The following SRGAP1 variants were observed in gnomAD, a reference collection of about 807,000 sequenced individuals.
The protein encoded by SRGAP1 is SLIT-ROBO Rho GTPase activating protein 1, also known as SLIT-ROBO Rho GTPase-activating protein 1.
SRGAP1 carries 43 observed loss-of-function variants against 121.9 expected under a neutral mutation model. The ratio of observed to expected loss-of-function variants is 0.35; its 90% CI spans 0.28 to 0.46. SRGAP1 has a LOEUF of 0.46. SRGAP1 is among the 20% of genes least tolerant of loss of function. The pLI, the probability that SRGAP1 is intolerant of heterozygous loss-of-function variation, is 1.00. For synonymous variants in SRGAP1, 447 were observed against 485.4 expected, an observed-to-expected ratio of 0.92 and a Z score of 1.04; for missense variants, 1,102 against 1,350.9, an observed-to-expected ratio of 0.82 and a Z score of 2.89.
chr12:64,127,882 A>AC lies in SRGAP1; in HGVS notation c.2567dup (p.Pro857SerfsTer10). 1 of 1,611,806 alleles carries AC rather than the reference A, an allele frequency of 6.2e-7. No individual in the cohort carries two copies. Among genetic ancestry groups the AC allele is most frequent in the Non-Finnish European group, 8.5e-7 (1 of 1,178,522 alleles). ...CTAGGCAACGAAAAAGAGGAGAGCCACCCCCTCCAGTAAGGCGTCCTGGCA... is the reference window on the plus strand; with the variant it reads ...CTAGGCAACGAAAAAGAGGAGAGCCACCCCCCTCCAGTAAGGCGTCCTGGCA... On this transcript the variant is annotated frameshift_variant, in exon 21 of 22. Transcript: ENST00000355086. LOFTEE classifies it high-confidence loss of function.
Position 63,850,273 on chromosome 12 carries a change from C to T in SRGAP1, c.67+5390C>T, listed in dbSNP as rs141576384. 4.7e-3 allele frequency among the ~76,000 whole-genome samples: 722 copies of T among 152,204 alleles called. 5 individuals are homozygous for T. Among genetic ancestry groups the T allele is most frequent in the African/African-American group, 0.016 (676 of 41,520 alleles). On this transcript the variant is annotated intron_variant, in intron 1 of 21. Coordinates refer to ENST00000355086, the MANE Select transcript of SRGAP1 (RefSeq NM_020762.4). ...GAGAAAATTTTGAGCAAAGCATGAC[C>T]TTCTGAAACACATGAGGGCTGGATT...
chr12:63,848,518 G>A (rs1898976670), intron 1 of SRGAP1, among the ~76,000 whole-genome samples: 1 of 151,924 alleles, frequency 6.6e-6, no homozygotes, highest in African/African-American at 2.4e-5. Flanking sequence ...ATAAGATAAG[G>A]AGTTGGAATT....
At chr12:63,897,510 A>G (rs1196183461) in intron 1 of SRGAP1, among the ~76,000 whole-genome samples, 1 of 152,184 alleles carries the variant, frequency 6.6e-6, no homozygotes, top group Admixed American at 6.5e-5. Context: ...TGTATAGTCT[A>G]TGGAAAGAGG....
chr12:63,914,252 C>T (rs922589582), intron 1 of SRGAP1, among the ~76,000 whole-genome samples: 3 of 152,122 alleles, frequency 2.0e-5, no homozygotes, highest in African/African-American at 4.8e-5. Context: ...TAGTTGAACC[C>T]GGCTCTTAAT....
At chr12:63,921,528 C>G (rs2031043506) in intron 1 of SRGAP1, among the ~76,000 whole-genome samples, 1 of 152,196 alleles carries the variant, frequency 6.6e-6, no homozygotes, top group African/African-American at 2.4e-5. Context: ...ACCTGGAATA[C>G]AACTCTAAGT....
At chr12:64,068,539 T>G (rs2035583887) in intron 8 of SRGAP1, among the ~76,000 whole-genome samples, 1 of 151,116 alleles carries the variant, frequency 6.6e-6, no homozygotes, top group Non-Finnish European at 1.5e-5. Context: ...TTCCCCATGT[T>G]GCCCAGGCTG....
chr12:64,149,971 TTAA>T lies in SRGAP1; in HGVS notation c.*7304_*7306del, dbSNP rs1480472043. 4 of 152,366 alleles carry T rather than the reference TTAA, an allele frequency of 2.6e-5. No homozygotes were observed. The highest frequency in any genetic ancestry group is 4.4e-5 in the Non-Finnish European group (3 of 68,040). The allele number at this position is 152,366 out of a possible 1,614,324, so 9.4% of individuals were successfully genotyped here. A position where few individuals can be genotyped will look rare whatever the true frequency, so the allele number is the denominator to read the frequency against. On this transcript the variant is annotated 3_prime_UTR_variant, in exon 22 of 22. Transcript: ENST00000355086. Reference sequence around the variant, plus strand: ...CTTTAGTATAAATATTTTTGCTCACTTAATAATCACGGTGAGGTTCATCACCTC... The same window carrying T: ...CTTTAGTATAAATATTTTTGCTCACTTAATCACGGTGAGGTTCATCACCTC...
chr12:64,017,924 A>G (rs967761336), intron 4 of SRGAP1, among the ~76,000 whole-genome samples: 10 of 152,130 alleles, frequency 6.6e-5, no homozygotes, highest in African/African-American at 2.4e-4. Context: ...GCAAGTTGGA[A>G]TTAGTAATAT....
At chr12:64,010,968 G>C (rs1470335712) in intron 3 of SRGAP1, among the ~76,000 whole-genome samples, 3 of 151,540 alleles carry the variant, frequency 2.0e-5, no homozygotes, top group Non-Finnish European at 2.9e-5. Flanking sequence ...CTCTTTCCTT[G>C]GGGGCAAGTT....
Position 64,147,887 on chromosome 12 carries a change from T to C in SRGAP1, c.*5215T>C, listed in dbSNP as rs949895143. On this transcript the variant is annotated 3_prime_UTR_variant, in exon 22 of 22. Transcript: ENST00000355086. ...CATCTCTGTGGTGTCTTTGTTCCTT[T>C]CCTTTCATTCATCACTACTTTCTCC... 1 of 389,498 alleles carries C rather than the reference T, an allele frequency of 2.6e-6. No homozygotes were observed. The highest frequency in any genetic ancestry group is 2.1e-5 in the African/African-American group (1 of 48,490). The allele number at this position is 389,498 out of a possible 1,614,324, so 24.1% of individuals were successfully genotyped here. A position where few individuals can be genotyped will look rare whatever the true frequency, so the allele number is the denominator to read the frequency against.
At chr12:64,119,312 A>T (rs995175327) in intron 18 of SRGAP1, among the ~76,000 whole-genome samples, 1 of 152,220 alleles carries the variant, frequency 6.6e-6, no homozygotes, top group Non-Finnish European at 1.5e-5. Flanking sequence ...TTAATCGTTC[A>T]TAAAGCAACA....
intron 18 of SRGAP1, among the ~76,000 whole-genome samples, chr12:64,116,993 C>T (rs116363257): frequency 0.023 from 3,488 of 152,232 alleles, 126 homozygotes; most frequent in African/African-American, 0.08. Context: ...TCAGCAGGCT[C>T]TGGGGCATTA....
chr12:63,892,216 G>C (rs1429226134), intron 1 of SRGAP1, among the ~76,000 whole-genome samples: 1 of 152,116 alleles, frequency 6.6e-6, no homozygotes, highest in Admixed American at 6.5e-5. Flanking sequence ...TTGAATTACA[G>C]GGTCAACCAT....
At position 64,033,314 on chromosome 12, in the gene SRGAP1, T is replaced by C. The variant is rs527767429; in HGVS notation, c.490-9476T>C. ...TGATAAATTCAAACTGTTATGCTGA[T>C]TTCATTTCAGTGGAGTCACAACGTA... On this transcript the variant is annotated intron_variant, in intron 4 of 21. Transcript: ENST00000355086. Among the ~76,000 whole-genome samples the C allele has an allele frequency of 3.3e-5, 5 of 152,314 alleles. No individual in the cohort carries two copies. In the South Asian group the frequency reaches 1.0e-3, roughly 32 times the overall value.
At chr12:63,892,445 A>G (rs1230661168) in intron 1 of SRGAP1, among the ~76,000 whole-genome samples, 1 of 152,250 alleles carries the variant, frequency 6.6e-6, no homozygotes, top group Non-Finnish European at 1.5e-5. Context: ...TGTTGAATTG[A>G]ACATATTCAT....
At position 63,862,252 on chromosome 12, in the gene SRGAP1, T is replaced by G. The variant is rs1899480301; in HGVS notation, c.67+17369T>G. Among the ~76,000 whole-genome samples the G allele has an allele frequency of 2.6e-5, 4 of 152,330 alleles. No homozygotes were observed. The South Asian group carries it at 8.3e-4, about 32-fold the overall frequency. ...GCAAAGGTAGTAGTTTAAGGAAAAT[T>G]ATCCCTTGTGATTCTTTCCTACTCC... On this transcript the variant is annotated intron_variant, in intron 1 of 21. Transcript: ENST00000355086.
At chr12:64,036,666 A>C (rs1339235114) in intron 4 of SRGAP1, among the ~76,000 whole-genome samples, 2 of 152,200 alleles carry the variant, frequency 1.3e-5, no homozygotes, top group Non-Finnish European at 2.9e-5. Flanking sequence ...ATGACTTAGA[A>C]CTATTTGTCA....
At position 63,973,586 on chromosome 12, in the gene SRGAP1, A is replaced by T. The variant is rs193060040; in HGVS notation, c.68-10361A>T. On this transcript the variant is annotated intron_variant, in intron 1 of 21. Coordinates refer to ENST00000355086, the MANE Select transcript of SRGAP1 (RefSeq NM_020762.4). ...ATAGGAAATCAATAAATATTCTTTT[A>T]TTAGATATAAATGTTAAATTGCTTA... Among the ~76,000 whole-genome samples the T allele has an allele frequency of 5.3e-4, 81 of 152,338 alleles. 1 individual carries two copies. Among genetic ancestry groups the T allele is most frequent in the African/African-American group, 1.7e-3 (71 of 41,586 alleles).
intron 1 of SRGAP1, among the ~76,000 whole-genome samples, chr12:63,912,283 G>C (rs1252630929): frequency 2.6e-5 from 4 of 152,060 alleles, no homozygotes; most frequent in African/African-American, 9.7e-5. Context: ...AAACTGAAAG[G>C]GTAATTTATT....
Sources: allele counts gnomAD v4.1 joint callset (sites outside exome capture counted in the v4.1 genomes callset), GRCh38; gene constraint gnomAD v4.1.1; transcripts MANE v1.5; gene names NCBI Gene and HGNC (gene_info 2026-07-23, HGNC 2026-07-21).